The following NKD2 variants were observed in gnomAD, a reference collection of about 807,000 sequenced individuals.
NKD2 encodes NKD inhibitor of Wnt signaling pathway 2.
In NKD2, 43 loss-of-function variants were observed where a neutral mutation model predicts 34.8. The observed-to-expected ratio is 1.24, with a 90% CI of 0.97 to 1.60. The LOEUF (loss-of-function observed/expected upper bound fraction) is 1.60, where lower values mean the gene tolerates loss of function less well. NKD2 is among the 40% of genes most tolerant of loss of function. The probability of loss-of-function intolerance (pLI) is 0.00; values close to 1 mark genes in which losing one functional copy is unlikely to be tolerated. For synonymous variants in NKD2, 278 were observed against 265.1 expected (o/e 1.05, Z -0.47); for missense variants, 675 against 627.1 (o/e 1.08, Z -0.82).
intron 3 of NKD2, among the ~76,000 whole-genome samples, chr5:1,028,946 C>T (rs916578144): frequency 6.6e-5 from 10 of 152,266 alleles, no homozygotes; most frequent in South Asian, 6.2e-4. Context: ...ATCCTGTGTG[C>T]GGACTTGGCC....
chr5:1,033,242 G>A lies in NKD2; in HGVS notation c.203-130G>A, dbSNP rs530568631. 1,332 of 888,986 alleles carry A rather than the reference G, an allele frequency of 1.5e-3. 2 individuals carry two copies. Among genetic ancestry groups the A allele is most frequent in the Non-Finnish European group, 2.0e-3 (1,208 of 605,868 alleles). 55.1% of individuals were successfully genotyped at this position (888,986 alleles called of 1,614,324 possible). ...TCCCCTCCGCAGGGGTCCCAAGATC[G>A]GGCTCTCAGCTCAGGCCCGTCTGGA... On this transcript the variant is annotated intron_variant, in intron 4 of 9. Transcript: ENST00000296849.
rs760073033 is a variant in NKD2 at position 1,032,212 on chromosome 5, G to C, written c.202G>C (p.Val68Leu). ...CCGGGAGGACCAGTGTCCCCTACAG[G>C]GTGAGTGCAGCTCCCGCAGCCCTCC... is the stretch of plus-strand genomic sequence containing the variant. Reference protein sequence around the residue: ...PFREDQCPLQVALPAEKAEGR... With the variant: ...PFREDQCPLQLALPAEKAEGR... Residue 68 changes from valine (V) to leucine (L), a missense_variant and splice_region_variant, in exon 4 of 10, where the codon GTG becomes CTG. Coordinates refer to ENST00000296849, the MANE Select transcript of NKD2 (RefSeq NM_033120.4). The C allele has an allele frequency of 6.2e-7, 1 of 1,607,642 alleles. No homozygotes were observed. Among genetic ancestry groups the C allele is most frequent in the East Asian group, 2.2e-5 (1 of 44,608 alleles).
intron 3 of NKD2, among the ~76,000 whole-genome samples, chr5:1,019,330 G>A (rs996116248): frequency 2.0e-5 from 3 of 152,200 alleles, no homozygotes; most frequent in Non-Finnish European, 4.4e-5. Flanking sequence ...TAACAAAGAT[G>A]CGCGTGGTCT....
At chr5:1,032,462 A>G (rs1305719570) in intron 4 of NKD2, among the ~76,000 whole-genome samples, 2 of 152,150 alleles carry the variant, frequency 1.3e-5, no homozygotes, top group Non-Finnish European at 2.9e-5. Context: ...CGTTACCTTT[A>G]TGTGTTTGGA....
At position 1,036,492 on chromosome 5, in the gene NKD2, G is replaced by A. The variant is rs997381908; in HGVS notation, c.787+108G>A. The A allele has an allele frequency of 1.5e-3, 612 of 413,802 alleles. 1 individual carries two copies. Among genetic ancestry groups the A allele is most frequent in the South Asian group, 2.1e-3 (40 of 18,620 alleles). The allele number at this position is 413,802 out of a possible 1,614,324, so 25.6% of individuals were successfully genotyped here. ...AGGGGGCCCCTCCCTGCCCTGCCCC[G>A]CCCCCCCCCAACCCCCCCCACCCCA... On this transcript the variant is annotated intron_variant, in intron 9 of 9. Transcript: ENST00000296849.
At chr5:1,028,658 A>G (rs1756520251) in intron 3 of NKD2, among the ~76,000 whole-genome samples, 1 of 152,106 alleles carries the variant, frequency 6.6e-6, no homozygotes, top group African/African-American at 2.4e-5. Flanking sequence ...GATGCAGAGC[A>G]GTGGGACAGG....
chr5:1,031,078 C>G (rs143056728), intron 3 of NKD2, among the ~76,000 whole-genome samples: 1 of 152,152 alleles, frequency 6.6e-6, no homozygotes, highest in Admixed American at 6.5e-5. Flanking sequence ...ACCACGGTGG[C>G]AGGAGGCGCT....
chr5:1,035,438 A>G lies in NKD2; in HGVS notation c.624A>G (p.Pro208=). The G allele has an allele frequency of 6.4e-7, 1 of 1,558,722 alleles. No homozygotes were observed. The highest frequency in any genetic ancestry group is 8.7e-7 in the Non-Finnish European group (1 of 1,151,178). The change falls in exon 8 of 10, where the codon CCA becomes CCG. Residue 208 remains proline, a synonymous_variant. Transcript: ENST00000296849. ...CRMEGELAEE[P]RVADRRLSAH... is the part of the protein sequence containing the mutation. ...TGGAGGGTGAACTGGCAGAGGAGCC[A>G]AGGGTGGCTGACAGGAGGTTGTCTG...
chr5:1,038,509 A>G lies in NKD2; in HGVS notation c.*136A>G, dbSNP rs1368983081. ...CACCTCCGACAGCAAACAGCAACTG[A>G]CTGCAGGTGCTGGCATGATGGAGGT... is the stretch of plus-strand genomic sequence containing the variant. On this transcript the variant is annotated 3_prime_UTR_variant, in exon 10 of 10. Transcript: ENST00000296849. This position sits in a 1 kb window ranked among gnomAD's most constrained non-coding sequence, Gnocchi z 4.5. The G allele has an allele frequency of 1.1e-5, 17 of 1,498,420 alleles. No homozygotes were observed. Among genetic ancestry groups the G allele is most frequent in the Non-Finnish European group, 1.5e-5 (17 of 1,114,630 alleles). 92.8% of individuals were successfully genotyped at this position (1,498,420 alleles called of 1,614,324 possible). A position where few individuals can be genotyped will look rare whatever the true frequency, so the allele number is the denominator to read the frequency against.
At chr5:1,018,193 G>A (rs1345224068) in intron 3 of NKD2, among the ~76,000 whole-genome samples, 2 of 152,182 alleles carry the variant, frequency 1.3e-5, no homozygotes, top group African/African-American at 4.8e-5. Flanking sequence ...GCCTACAGAT[G>A]TGCACTGGTC....
intron 3 of NKD2, among the ~76,000 whole-genome samples, chr5:1,031,827 C>A (rs1756655770): frequency 6.6e-6 from 1 of 152,118 alleles, no homozygotes; most frequent in Non-Finnish European, 1.5e-5. Flanking sequence ...TCTCCTCTTG[C>A]ATTTAGGGTA....
chr5:1,025,790 T>C (rs1356880387), intron 3 of NKD2, among the ~76,000 whole-genome samples: 2 of 88,522 alleles, frequency 2.3e-5, no homozygotes, highest in Admixed American at 1.1e-4. Flanking sequence ...CCTCTGTGGG[T>C]GCCCCAGCCC....
rs1374496902 is a variant in NKD2, at chr5:1,038,609, A to G, written c.*236A>G. ...CCCTCGATGCCACATGGCGGTGAAC[A>G]CATCTGAAGCCACTATGTTTCCTGG... is the stretch of plus-strand genomic sequence containing the variant. On this transcript the variant is annotated 3_prime_UTR_variant, in exon 10 of 10. Transcript: ENST00000296849. This position sits in a 1 kb window ranked among gnomAD's most constrained non-coding sequence, Gnocchi z 4.5. The G allele has an allele frequency of 1.3e-6, 1 of 779,724 alleles. No homozygotes were observed. The allele number at this position is 779,724 out of a possible 1,614,324, so 48.3% of individuals were successfully genotyped here. A position where few individuals can be genotyped will look rare whatever the true frequency, so the allele number is the denominator to read the frequency against.
chr5:1,027,598 G>T (rs1864093), intron 3 of NKD2, among the ~76,000 whole-genome samples: 2 of 152,050 alleles, frequency 1.3e-5, no homozygotes, highest in Non-Finnish European at 2.9e-5. Context: ...TCCTGGACAC[G>T]CTGTGGCCTT....
intron 3 of NKD2, among the ~76,000 whole-genome samples, chr5:1,016,917 G>A (rs1280492895): frequency 1.3e-5 from 2 of 151,404 alleles, no homozygotes; most frequent in African/African-American, 4.9e-5. Flanking sequence ...GGATAACAGA[G>A]CTGACCTCAC....
intron 3 of NKD2, among the ~76,000 whole-genome samples, chr5:1,010,856 C>G (rs1219924710): frequency 6.6e-6 from 1 of 152,234 alleles, no homozygotes; most frequent in Non-Finnish European, 1.5e-5. Context: ...GGCCCCTGTC[C>G]ATTGGCCCAC....
rs375939102 is a variant in NKD2 at position 1,033,467 on chromosome 5, C to T, written c.298C>T (p.Arg100Ter). Residue 100 changes from arginine to a stop codon, truncating the protein, a stop_gained, in exon 5 of 10, where the codon CGA becomes TGA. Coordinates refer to ENST00000296849, the MANE Select transcript of NKD2 (RefSeq NM_033120.4). LOFTEE classifies it high-confidence loss of function. Reference protein sequence around the residue: ...GERAANREGPRGPGGQRLNID... With the variant: ...GERAANREGP ...GAGGGCAGCAAACCGCGAGGGCCCG[C>T]GAGGACCGGGCGGGCAGCGCCTCAA... The T allele has an allele frequency of 4.6e-5, 72 of 1,555,698 alleles. No individual in the cohort carries two copies. The highest frequency in any genetic ancestry group is 5.6e-5 in the Non-Finnish European group (64 of 1,150,214).
chr5:1,026,399 C>T lies in NKD2; in HGVS notation c.142-5753C>T, dbSNP rs1253602249. The stretch of plus-strand genomic sequence containing the variant: ...GCCCATTGTCCCTGCTCTTCCCACC[C>T]GCTGTGGGCGTCCCAGCCCTTTTTC... On this transcript the variant is annotated intron_variant, in intron 3 of 9. Coordinates refer to ENST00000296849, the MANE Select transcript of NKD2 (RefSeq NM_033120.4). Among the ~76,000 whole-genome samples, 3 of 93,628 alleles carry T rather than the reference C, an allele frequency of 3.2e-5. 1 individual carries two copies. The highest frequency in any genetic ancestry group is 6.7e-5 in the Non-Finnish European group (3 of 44,898). The allele number at this position is 93,628 out of a possible 152,430, so 61.4% of individuals were successfully genotyped here.
chr5:1,019,390 TGA>T (rs371420482), intron 3 of NKD2, among the ~76,000 whole-genome samples: 486 of 152,316 alleles, frequency 3.2e-3, no homozygotes, highest in African/African-American at 0.011. Flanking sequence ...CGCTCTCCCC[TGA>T]GAGTGGGCTG....
Sources: allele counts gnomAD v4.1 joint callset (sites outside exome capture counted in the v4.1 genomes callset), GRCh38; gene constraint gnomAD v4.1.1; non-coding constraint Gnocchi (gnomAD v3.1); transcripts MANE v1.5; gene names NCBI Gene and HGNC (gene_info 2026-07-23, HGNC 2026-07-21).